PAN3: variants seen among roughly 807,000 people sequenced by gnomAD.
The protein encoded by PAN3 is PAN2-PAN3 deadenylation complex subunit PAN3.
In PAN3, 19 loss-of-function variants were observed where a neutral mutation model predicts 96.2. That is an observed-to-expected ratio of 0.20 (90% CI 0.14 to 0.29). PAN3 has a LOEUF of 0.29. Among genes scored for constraint, PAN3 ranks in the 10% least tolerant of loss-of-function variants. The pLI is 1.00. For synonymous variants in PAN3, 433 were observed against 406.6 expected, an observed-to-expected ratio of 1.06 and a Z score of -0.78; for missense variants, 882 against 1,108.1, an observed-to-expected ratio of 0.80 and a Z score of 2.90.
At chr13:28,218,981 A>AC (rs1881103115) in intron 5 of PAN3, among the ~76,000 whole-genome samples, 1 of 152,124 alleles carries the variant, frequency 6.6e-6, no homozygotes, top group Non-Finnish European at 1.5e-5. Context: ...GCCCTGACAT[A>AC]CTTTTCATTC....
At chr13:28,285,825 G>A (rs1868903801) in intron 17 of PAN3, among the ~76,000 whole-genome samples, 1 of 151,900 alleles carries the variant, frequency 6.6e-6, no homozygotes, top group African/African-American at 2.4e-5. Context: ...TTTTCTGAAT[G>A]TTTGTCTTGT....
rs1448451292 is a variant in PAN3 at position 28,287,862 on chromosome 13, G to A, written c.2385-122G>A. The A allele has an allele frequency of 5.6e-6, 5 of 886,808 alleles. No homozygotes were observed. The African/African-American group carries it at 8.6e-5, about 15-fold the overall frequency. The allele number at this position is 886,808 out of a possible 1,614,324, so 54.9% of individuals were successfully genotyped here. A position where few individuals can be genotyped will look rare whatever the true frequency, so the allele number is the denominator to read the frequency against. On this transcript the variant is annotated intron_variant, in intron 17 of 18. Transcript: ENST00000380958. ...ATTATTTTTTAAAAACACTGTACCA[G>A]ACTCCCTCCCAATTTTTTGTTTATT...
chr13:28,141,454 CTTTTTTTCTTTTTTTTTTT>C (rs1869808741), intron 1 of PAN3, among the ~76,000 whole-genome samples: 1 of 123,910 alleles, frequency 8.1e-6, no homozygotes, highest in African/African-American at 3.0e-5. Flanking sequence ...TTTTCTTTTT[CTTTTTTTCTTTTTTTTTTT>C]TTTTTTTTTT....
In PAN3 at chr13:28,138,565, G is replaced by A; in HGVS notation, c.-93G>A. The A allele has an allele frequency of 7.4e-6, 2 of 268,716 alleles. No individual in the cohort carries two copies. Among genetic ancestry groups the A allele is most frequent in the Non-Finnish European group, 1.4e-5 (2 of 144,068 alleles). 16.6% of individuals were successfully genotyped at this position (268,716 alleles called of 1,614,324 possible). ...GACCCACCCGCCCAGGCTTTTATCC[G>A]GCACCGGCAGCGTCTTCCTTTCCTC... On this transcript the variant is annotated 5_prime_UTR_variant, in exon 1 of 19. Transcript: ENST00000380958.
intron 4 of PAN3, among the ~76,000 whole-genome samples, chr13:28,179,472 T>C (rs558555338): frequency 2.0e-4 from 31 of 152,330 alleles, no homozygotes; most frequent in African/African-American, 7.2e-4. Context: ...GCCAACACTT[T>C]GGGAGGCCAA....
At chr13:28,164,391 G>T (rs1873281153) in intron 1 of PAN3, among the ~76,000 whole-genome samples, 1 of 152,188 alleles carries the variant, frequency 6.6e-6, no homozygotes, top group East Asian at 1.9e-4. Context: ...CATGATAGTT[G>T]AGAACAAATT....
rs1335243113 is a variant in PAN3 at position 28,292,542 on chromosome 13, C to T, written c.*20C>T. The stretch of plus-strand genomic sequence containing the variant: ...TTGTAGTATTTGCTAAAAAAGCACG[C>T]AGGACATGGCTAAAGACCTTAACCA... On this transcript the variant is annotated 3_prime_UTR_variant, in exon 19 of 19. Transcript: ENST00000380958. 6.3e-7 allele frequency: 1 copy of T among 1,596,354 alleles called. No homozygotes were observed. Among genetic ancestry groups the T allele is most frequent in the East Asian group, 2.3e-5 (1 of 44,418 alleles).
upstream of PAN3, chr13:28,138,538 C>G (rs1869085737): frequency 5.8e-6 from 2 of 344,082 alleles, no homozygotes; most frequent in Non-Finnish European, 1.0e-5. Context: ...CGCAGCGGGA[C>G]AGACCCACCC....
intron 12 of PAN3, 77 bp downstream of exon 12, chr13:28,267,478 T>A (rs1230191707): frequency 4.2e-6 from 5 of 1,184,578 alleles, no homozygotes; most frequent in Non-Finnish European, 6.1e-6. Context: ...TATTTTAAAA[T>A]ACGTATAATT....
chr13:28,288,124 T>TA lies in PAN3; in HGVS notation c.2523+4dup. The TA allele has an allele frequency of 6.3e-7, 1 of 1,596,048 alleles. No individual in the cohort carries two copies. The highest frequency in any genetic ancestry group is 1.7e-4 in the Middle Eastern group (1 of 5,950). On this transcript the variant is annotated splice_region_variant and intron_variant, in intron 18 of 18. Transcript: ENST00000380958. ...CATATAATTTCTTGTCTTAACAAGG[T>TA]AATTTGTATCTAGATTTTTTAAGAT...
chr13:28,257,720 A>T (rs909658899), intron 7 of PAN3, among the ~76,000 whole-genome samples: 31 of 139,122 alleles, frequency 2.2e-4, no homozygotes, highest in East Asian at 2.0e-4. Context: ...ATATATAATT[A>T]ATATATATTA....
At chr13:28,255,333 G>T (rs1445758487) in intron 6 of PAN3, among the ~76,000 whole-genome samples, 1 of 151,972 alleles carries the variant, frequency 6.6e-6, no homozygotes, top group South Asian at 2.1e-4. Context: ...ACGCTACCTG[G>T]TTTTAATTAA....
intron 6 of PAN3, among the ~76,000 whole-genome samples, chr13:28,223,321 A>G (rs1881598955): frequency 6.6e-6 from 1 of 152,226 alleles, no homozygotes; most frequent in South Asian, 2.1e-4. Flanking sequence ...TCAAGGATTT[A>G]TAGATACAGT....
intron 4 of PAN3, 92 bp from the exon 5 acceptor site, chr13:28,197,093 G>T (rs796460729): frequency 7.9e-6 from 11 of 1,389,758 alleles, no homozygotes; most frequent in African/African-American, 1.5e-5. Context: ...CTATCCCACC[G>T]TTCCCAGTAT....
intron 7 of PAN3, among the ~76,000 whole-genome samples, chr13:28,258,819 A>G (rs1032888741): frequency 2.0e-5 from 3 of 151,632 alleles, no homozygotes; most frequent in Admixed American, 2.0e-4. Context: ...ATGACATAGT[A>G]TTTGCATAGA....
intron 6 of PAN3, among the ~76,000 whole-genome samples, chr13:28,235,680 T>TACACACACACACACACACAC (rs1555285712): frequency 9.1e-6 from 1 of 109,538 alleles, no homozygotes; most frequent in African/African-American, 4.3e-5. Context: ...CTTTCTCTAA[T>TACACACACACACACACACAC]ATACACACAC....
intron 6 of PAN3, among the ~76,000 whole-genome samples, chr13:28,226,484 C>T (rs117551481): frequency 2.2e-3 from 337 of 152,282 alleles, no homozygotes; most frequent in Non-Finnish European, 3.4e-3. Context: ...ATTTCCTAAA[C>T]ATCTCACAAA....
intron 1 of PAN3, among the ~76,000 whole-genome samples, chr13:28,143,683 T>G (rs1434161116): frequency 6.6e-6 from 1 of 152,216 alleles, no homozygotes; most frequent in Non-Finnish European, 1.5e-5. Context: ...TCAGTCTTAG[T>G]TATTGCTATT....
intron 5 of PAN3, among the ~76,000 whole-genome samples, chr13:28,199,825 T>C (rs1878490833): frequency 6.6e-6 from 1 of 152,206 alleles, no homozygotes; most frequent in Admixed American, 6.5e-5. Flanking sequence ...GTCAGGAGCA[T>C]ATTCATCTTT....
Sources: allele counts gnomAD v4.1 joint callset (sites outside exome capture counted in the v4.1 genomes callset), GRCh38; gene constraint gnomAD v4.1.1; transcripts MANE v1.5; gene names NCBI Gene and HGNC (gene_info 2026-07-23, HGNC 2026-07-21).